The following SH3BP5L variants were observed in gnomAD, a reference collection of about 807,000 sequenced individuals.
SH3BP5L encodes SH3 binding domain protein 5 like, also known as SH3 domain-binding protein 5-like.
Under a neutral mutation model 40.9 loss-of-function variants are expected in SH3BP5L, and 16 were observed. The ratio of observed to expected loss-of-function variants is 0.39; its 90% CI spans 0.27 to 0.59. SH3BP5L has a LOEUF of 0.59. Ranked by LOEUF, SH3BP5L falls within the 20% of genes least tolerant of loss-of-function variation. The pLI, the probability that SH3BP5L is intolerant of heterozygous loss-of-function variation, is 0.53. For synonymous variants in SH3BP5L, 229 were observed against 226.7 expected (o/e 1.01, Z -0.09); for missense variants, 471 against 544.6 (o/e 0.86, Z 1.35).
Position 248,814,416 on chromosome 1 carries a change from G to A in SH3BP5L, c.537+33C>T, listed in dbSNP as rs746908541. The A allele has an allele frequency of 3.2e-4, 518 of 1,611,840 alleles. 1 individual carries two copies. The highest frequency in any genetic ancestry group is 4.2e-4 in the Non-Finnish European group (494 of 1,179,134). ...CATAGCAAAGGATGGACGAGAACCA[G>A]CGAAGGGGACCTGCTGGCACCGCCC... On this transcript the variant is annotated intron_variant, in intron 5 of 6. Transcript: ENST00000366472.
intron 2 of SH3BP5L, 68 bp from the exon 3 acceptor site, chr1:248,816,952 A>C (rs1368223525): frequency 6.2e-7 from 1 of 1,611,452 alleles, no homozygotes; most frequent in Non-Finnish European, 8.5e-7. Flanking sequence ...CATGCAAGGC[A>C]GGAGCAACAC....
intron 1 of SH3BP5L, 174 bp downstream of exon 1, chr1:248,825,661 C>A (rs549381777): frequency 1.1e-5 from 2 of 178,174 alleles, no homozygotes; most frequent in Non-Finnish European, 2.2e-5. Context: ...TCCCACTCCA[C>A]CCCAGCCCGG....
At chr1:248,814,375 G>A (rs1442455682) in intron 5 of SH3BP5L, 74 bp downstream of exon 5, 2 of 1,477,788 alleles carry the variant, frequency 1.4e-6, no homozygotes, top group Non-Finnish European at 1.9e-6. Context: ...AGAATGAGGA[G>A]GTGAGGTGAT....
At chr1:248,824,294 A>T (rs1443832004) in intron 2 of SH3BP5L, among the ~76,000 whole-genome samples, 1 of 152,212 alleles carries the variant, frequency 6.6e-6, no homozygotes, top group Non-Finnish European at 1.5e-5. Context: ...ACATCCCTGG[A>T]AGGTACCGCT....
At position 248,824,881 on chromosome 1, in the gene SH3BP5L, G is replaced by A. The variant is rs757664033; in HGVS notation, c.55C>T (p.Arg19Trp). 2.0e-5 allele frequency: 33 copies of A among 1,613,954 alleles called. No individual in the cohort carries two copies. Among genetic ancestry groups the A allele is most frequent in the East Asian group, 2.2e-5 (1 of 44,902 alleles). Residue 19 changes from arginine to tryptophan, a missense_variant, in exon 2 of 7, where the codon CGG becomes TGG. Transcript: ENST00000366472. ...ACTTCATCCTCTACAACTTCAGGCC[G>A]CAGCTCCCCCTGTGGGGTCTCCCGC... The part of the protein sequence containing the change: ...GGRETPQGEL[R>W]PEVVEDEVPR...
chr1:248,819,025 C>T (rs1255288594), intron 2 of SH3BP5L, among the ~76,000 whole-genome samples: 2 of 152,176 alleles, frequency 1.3e-5, no homozygotes, highest in African/African-American at 4.8e-5. Context: ...GGCCTTTCAG[C>T]AACCCAGTGA....
Position 248,824,882 on chromosome 1 carries a change from C to G in SH3BP5L, c.54G>C (p.Leu18=), listed in dbSNP as rs1486685883. The part of the protein sequence containing the change: ...PGGRETPQGE[L]RPEVVEDEVP... ...CTTCATCCTCTACAACTTCAGGCCG[C>G]AGCTCCCCCTGTGGGGTCTCCCGCC... The change falls in exon 2 of 7, where the codon CTG becomes CTC. Residue 18 remains leucine, a synonymous_variant. Transcript: ENST00000366472. 1 of 1,614,118 alleles carries G rather than the reference C, an allele frequency of 6.2e-7. No individual in the cohort carries two copies. Among genetic ancestry groups the G allele is most frequent in the Admixed American group, 1.7e-5 (1 of 60,032 alleles).
At position 248,812,153 on chromosome 1, in the gene SH3BP5L, C is replaced by T. The variant is rs1663960273; in HGVS notation, c.929G>A (p.Gly310Glu). 6.3e-7 allele frequency: 1 copy of T among 1,599,298 alleles called. No homozygotes were observed. The highest frequency in any genetic ancestry group is 8.5e-7 in the Non-Finnish European group (1 of 1,172,746). Reference protein sequence around the residue: ...DMEDGDSGIEGAEGAGLEEGS... With the variant: ...DMEDGDSGIEEAEGAGLEEGS... ...CTCCTCCAGCCCCGCACCCTCGGCC[C>T]CCTCAATCCCGCTGTCTCCGTCCTC... Residue 310 changes from glycine to glutamate, a missense_variant, in exon 7 of 7, where the codon GGG (glycine) becomes GAG (glutamate). Transcript: ENST00000366472. The surrounding 1 kb of genome is among the most constrained non-coding windows in gnomAD (Gnocchi z 6.1).
chr1:248,820,088 T>C (rs1403081208), intron 2 of SH3BP5L, among the ~76,000 whole-genome samples: 1 of 152,238 alleles, frequency 6.6e-6, no homozygotes, highest in East Asian at 1.9e-4. Flanking sequence ...TTGACTCTTG[T>C]GACACATCTC....
chr1:248,822,439 T>C (rs760985693), intron 2 of SH3BP5L, among the ~76,000 whole-genome samples: 2 of 152,142 alleles, frequency 1.3e-5, no homozygotes, highest in Non-Finnish European at 2.9e-5. Context: ...AGACCTTTCC[T>C]CCCTATACAA....
Position 248,824,760 on chromosome 1 carries a change from C to G in SH3BP5L, c.176G>C (p.Arg59Thr), listed in dbSNP as rs1342318123. 2 of 1,613,690 alleles carry G rather than the reference C, an allele frequency of 1.2e-6. No homozygotes were observed. Among genetic ancestry groups the G allele is most frequent in the Non-Finnish European group, 1.7e-6 (2 of 1,179,780 alleles). ...SPREEEELDP[R>T]IQEELEHLNQ... is the part of the protein sequence containing the mutation. ...TGCTCTCAGTGCTCTCACCTGTATT[C>G]TAGGATCCAGTTCTTCCTCCTCTCT... Residue 59 changes from arginine (R) to threonine (T), a missense_variant, in exon 2 of 7, where the codon AGA (arginine) becomes ACA (threonine). Physicochemically the swap from Arg to Thr is moderately conservative, Grantham distance 71. This residue lies in a region of SH3BP5L where 275 missense variants were observed against 370.1 expected (regional missense o/e 0.74). Transcript: ENST00000366472.
At chr1:248,823,318 A>T (rs1313272005) in intron 2 of SH3BP5L, among the ~76,000 whole-genome samples, 1 of 152,252 alleles carries the variant, frequency 6.6e-6, no homozygotes, top group East Asian at 1.9e-4. Context: ...AGAACTGTAG[A>T]CTTGTGTCAG....
chr1:248,814,823 A>C, intron 4 of SH3BP5L: 1 of 682,278 alleles, frequency 1.5e-6, no homozygotes, highest in Non-Finnish European at 2.7e-6. Flanking sequence ...AAATTTTGCC[A>C]GTGGAGGGTA....
At position 248,821,278 on chromosome 1, in the gene SH3BP5L, G is replaced by A. The variant is rs538597022; in HGVS notation, c.183+3475C>T. ...GGCACTCAGCTGAAACGGAATTTGGGGAGGACAAAGTCTGAATCAACGTGC... is the reference window on the plus strand; with the variant it reads ...GGCACTCAGCTGAAACGGAATTTGGAGAGGACAAAGTCTGAATCAACGTGC... On this transcript the variant is annotated intron_variant, in intron 2 of 6. Transcript: ENST00000366472. This position sits in a 1 kb window ranked among gnomAD's most constrained non-coding sequence, Gnocchi z 4.6. 3.9e-4 allele frequency: 59 copies of A among 152,522 alleles called. No individual in the cohort carries two copies. Among genetic ancestry groups the A allele is most frequent in the African/African-American group, 1.4e-3 (59 of 41,586 alleles). 9.4% of individuals were successfully genotyped at this position (152,522 alleles called of 1,614,324 possible). A position where few individuals can be genotyped will look rare whatever the true frequency, so the allele number is the denominator to read the frequency against.
Position 248,811,778 on chromosome 1 carries a change from A to G in SH3BP5L, c.*122T>C. 1 of 745,398 alleles carries G rather than the reference A, an allele frequency of 1.3e-6. No homozygotes were observed. The allele number at this position is 745,398 out of a possible 1,614,324, so 46.2% of individuals were successfully genotyped here. On this transcript the variant is annotated 3_prime_UTR_variant, in exon 7 of 7. Coordinates refer to ENST00000366472, the MANE Select transcript of SH3BP5L (RefSeq NM_030645.3). ...GACTCGAACACAGCTGGCCTCTCCCAGGGAAGCACTGGAGAAGGGGACCTT... is the reference window on the plus strand; with the variant it reads ...GACTCGAACACAGCTGGCCTCTCCCGGGGAAGCACTGGAGAAGGGGACCTT...
intron 2 of SH3BP5L, among the ~76,000 whole-genome samples, chr1:248,817,448 T>C (rs891085523): frequency 1.1e-4 from 17 of 151,962 alleles, no homozygotes; most frequent in Admixed American, 9.8e-4. Context: ...TTGTGAGGGG[T>C]GGGTGTGGGT....
At chr1:248,820,640 G>A (rs1664234087) in intron 2 of SH3BP5L, 1 of 152,196 alleles carries the variant, frequency 6.6e-6, no homozygotes, top group African/African-American at 2.4e-5. Flanking sequence ...TGGGAATGAG[G>A]ACACCACTGG....
At chr1:248,816,222 C>G (rs1444950150) in intron 4 of SH3BP5L, 4 of 266,068 alleles carry the variant, frequency 1.5e-5, no homozygotes, top group Non-Finnish European at 2.9e-5. Context: ...ATGAAAACAA[C>G]AGGATGTTAG....
chr1:248,811,779 G>A lies in SH3BP5L; in HGVS notation c.*121C>T, dbSNP rs951457102. The A allele has an allele frequency of 1.9e-5, 14 of 752,780 alleles. No individual in the cohort carries two copies. The highest frequency in any genetic ancestry group is 1.7e-4 in the South Asian group (9 of 53,652). 46.6% of individuals were successfully genotyped at this position (752,780 alleles called of 1,614,324 possible). On this transcript the variant is annotated 3_prime_UTR_variant, in exon 7 of 7. Transcript: ENST00000366472. ...ACTCGAACACAGCTGGCCTCTCCCA[G>A]GGAAGCACTGGAGAAGGGGACCTTC...
Sources: allele counts gnomAD v4.1 joint callset (sites outside exome capture counted in the v4.1 genomes callset), GRCh38; gene constraint gnomAD v4.1.1; regional missense constraint gnomAD v4.1.1; non-coding constraint Gnocchi (gnomAD v3.1); transcripts MANE v1.5; gene names NCBI Gene and HGNC (gene_info 2026-07-23, HGNC 2026-07-21).